REG3G: variants seen among roughly 807,000 people sequenced by gnomAD.
The protein encoded by REG3G is regenerating islet-derived protein 3-gamma.
In REG3G, 19 loss-of-function variants were observed where a neutral mutation model predicts 20.9. The ratio of observed to expected loss-of-function variants is 0.91; its 90% CI spans 0.64 to 1.34. The LOEUF (loss-of-function observed/expected upper bound fraction) is 1.34, where lower values mean the gene tolerates loss of function less well. REG3G is among the 40% of genes most tolerant of loss of function. The pLI is 0.00. For missense variants in REG3G, 235 were observed against 205.0 expected (o/e 1.15, Z -0.89); for synonymous variants, 89 against 77.4 (o/e 1.15, Z -0.79).
intron 5 of REG3G, 97 bp from the exon 6 acceptor site, chr2:79,028,112 G>C: frequency 2.3e-6 from 3 of 1,282,098 alleles, no homozygotes; most frequent in Admixed American, 3.5e-5. Context: ...GTGAAGATGA[G>C]AGAGAAGCTT....
chr2:79,026,783 C>T lies in REG3G; in HGVS notation c.147C>T (p.Ser49=), dbSNP rs770565092. 2 of 1,613,724 alleles carry T rather than the reference C, an allele frequency of 1.2e-6. No homozygotes were observed. Among genetic ancestry groups the T allele is most frequent in the East Asian group, 4.5e-5 (2 of 44,802 alleles). The change falls in exon 3 of 6, where the codon TCC becomes TCT. Residue 49 remains serine (S), a synonymous_variant. Coordinates refer to ENST00000272324, the MANE Select transcript of REG3G (RefSeq NM_001008387.3). The part of the protein sequence containing the change: ...SCPKGSKAYG[S]PCYALFLSPK... Reference sequence around the variant, plus strand: ...CCAAAGGCTCCAAGGCCTATGGCTCCCCCTGCTATGCCTTGTTTTTGTCAC... The same window carrying T: ...CCAAAGGCTCCAAGGCCTATGGCTCTCCCTGCTATGCCTTGTTTTTGTCAC...
Position 79,026,799 on chromosome 2 carries a change from T to A in REG3G, c.163T>A (p.Phe55Ile). Residue 55 changes from phenylalanine (F) to isoleucine (I), a missense_variant, in exon 3 of 6, where the codon TTT becomes ATT. Transcript: ENST00000272324. ...KAYGSPCYAL[F>I]LSPKSWMDAD... ...CTATGGCTCCCCCTGCTATGCCTTGTTTTTGTCACCAAAATCCTGGATGGA... is the reference window on the plus strand; with the variant it reads ...CTATGGCTCCCCCTGCTATGCCTTGATTTTGTCACCAAAATCCTGGATGGA... 3 of 1,613,304 alleles carry A rather than the reference T, an allele frequency of 1.9e-6. No homozygotes were observed. Among genetic ancestry groups the A allele is most frequent in the Non-Finnish European group, 2.5e-6 (3 of 1,179,798 alleles).
In REG3G at chr2:79,027,036, G is replaced by A. The variant is rs749025112; in HGVS notation, c.198G>A (p.Leu66=). The change falls in exon 4 of 6, where the codon CTG becomes CTA. Residue 66 remains leucine, a splice_region_variant and synonymous_variant. Transcript: ENST00000272324. ...CATTCTCTTTGTCCCCCTCAAAGCTGGCTTGCCAGAAGCGGCCCTCTGGAA... is the reference window on the plus strand; with the variant it reads ...CATTCTCTTTGTCCCCCTCAAAGCTAGCTTGCCAGAAGCGGCCCTCTGGAA... ...LSPKSWMDAD[L]ACQKRPSGKL... 6.2e-7 allele frequency: 1 copy of A among 1,613,916 alleles called. No individual in the cohort carries two copies. Among genetic ancestry groups the A allele is most frequent in the Non-Finnish European group, 8.5e-7 (1 of 1,179,974 alleles).
intron 5 of REG3G, 102 bp downstream of exon 5, chr2:79,028,035 T>G: frequency 6.8e-7 from 1 of 1,473,202 alleles, no homozygotes; most frequent in South Asian, 1.2e-5. Flanking sequence ...GCAGTGTTTA[T>G]GTGCCTTCTC....
chr2:79,025,817 C>T lies in REG3G; in HGVS notation c.-112+44C>T, dbSNP rs1211623281. 5 of 379,480 alleles carry T rather than the reference C, an allele frequency of 1.3e-5. 1 individual carries two copies. In the East Asian group the frequency reaches 2.3e-4, roughly 18 times the overall value. 23.5% of individuals were successfully genotyped at this position (379,480 alleles called of 1,614,324 possible). ...AAGATGAGACCTGTGGAAGGGCAAC[C>T]TCACATAATACAGGAGAACGCATGG... On this transcript the variant is annotated intron_variant, in intron 1 of 5. Transcript: ENST00000272324.
In REG3G at chr2:79,026,672, C is replaced by T. The variant is rs534065508; in HGVS notation, c.77-41C>T. Reference sequence around the variant, plus strand: ...CCCCAAGGTCATCTCCCACCCACCCCCTACTCTTCATTTTACTCTCTCCCT... The same window carrying T: ...CCCCAAGGTCATCTCCCACCCACCCTCTACTCTTCATTTTACTCTCTCCCT... On this transcript the variant is annotated intron_variant, in intron 2 of 5. Transcript: ENST00000272324. 7 of 1,536,058 alleles carry T rather than the reference C, an allele frequency of 4.6e-6. No homozygotes were observed. The African/African-American group carries it at 8.2e-5, about 18-fold the overall frequency.
At chr2:79,026,681 C>A (rs1210865535) in intron 2 of REG3G, 32 bp from the exon 3 acceptor site, 2 of 1,561,392 alleles carry the variant, frequency 1.3e-6, no homozygotes, top group Non-Finnish European at 1.8e-6. Context: ...CCCTACTCTT[C>A]ATTTTACTCT....
chr2:79,027,277 G>C (rs923030034), intron 4 of REG3G, 106 bp downstream of exon 4: 15 of 1,229,614 alleles, frequency 1.2e-5, no homozygotes, highest in African/African-American at 4.5e-5. Flanking sequence ...GGGAGCACTG[G>C]AGCTCAGATT....
chr2:79,025,808 A>G (rs1671601188), intron 1 of REG3G, 35 bp downstream of exon 1: 1 of 359,652 alleles, frequency 2.8e-6, no homozygotes, highest in Non-Finnish European at 5.1e-6. Flanking sequence ...AGACCTGTGG[A>G]AGGGCAACCT....
rs149749064 is a variant in REG3G, at chr2:79,026,042, G to A, written c.-52G>A. On this transcript the variant is annotated 5_prime_UTR_variant, in exon 2 of 6. Coordinates refer to ENST00000272324, the MANE Select transcript of REG3G (RefSeq NM_001008387.3). Reference sequence around the variant, plus strand: ...CAGTAGGATATCTGTGTGTCCTCCCGCTGACCACACTTCCTTTAGTGACCC... The same window carrying A: ...CAGTAGGATATCTGTGTGTCCTCCCACTGACCACACTTCCTTTAGTGACCC... 620 of 1,570,062 alleles carry A rather than the reference G, an allele frequency of 3.9e-4. 7 individuals are homozygous for A. The East Asian group carries it at 0.011, about 27-fold the overall frequency.
At chr2:79,026,388 A>C in intron 2 of REG3G, 1 of 605,548 alleles carries the variant, frequency 1.7e-6, no homozygotes, top group Non-Finnish European at 2.9e-6. Flanking sequence ...TAGTCAGTGG[A>C]CTCTAATATA....
At chr2:79,027,239 C>A in intron 4 of REG3G, 68 bp downstream of exon 4, 2 of 1,526,106 alleles carry the variant, frequency 1.3e-6, no homozygotes, top group Admixed American at 1.7e-5. Flanking sequence ...CACTCCCTGT[C>A]CCCAGTCCCT....
chr2:79,026,334 G>T, intron 2 of REG3G, 165 bp downstream of exon 2: 1 of 686,750 alleles, frequency 1.5e-6, no homozygotes, highest in Admixed American at 2.4e-5. Flanking sequence ...GCAGTGGGAG[G>T]CTCCACTGTG....
At chr2:79,026,514 A>G in intron 2 of REG3G, 199 bp from the exon 3 acceptor site, 1 of 602,926 alleles carries the variant, frequency 1.7e-6, no homozygotes, top group South Asian at 2.1e-5. Flanking sequence ...GAATAAGGGG[A>G]AAGGGTAATA....
rs763948327 is a variant in REG3G, at chr2:79,028,309, G to A, written c.*33G>A. The A allele has an allele frequency of 1.2e-5, 18 of 1,441,502 alleles. No homozygotes were observed. The East Asian group carries it at 1.8e-4, about 15-fold the overall frequency. The allele number at this position is 1,441,502 out of a possible 1,614,324, so 89.3% of individuals were successfully genotyped here. ...GGGAAGTCAGCAGCCTGAGCTTGGCGTGCAGCTCATCATGGACATGAGACC... is the reference window on the plus strand; with the variant it reads ...GGGAAGTCAGCAGCCTGAGCTTGGCATGCAGCTCATCATGGACATGAGACC... On this transcript the variant is annotated 3_prime_UTR_variant, in exon 6 of 6. Transcript: ENST00000272324.
intron 4 of REG3G, 38 bp from the exon 5 acceptor site, chr2:79,027,769 G>A: frequency 6.2e-7 from 1 of 1,612,920 alleles, no homozygotes; most frequent in Non-Finnish European, 8.5e-7. Flanking sequence ...ACCTGCAATG[G>A]CCATTTTCTT....
chr2:79,027,295 A>T, intron 4 of REG3G, 124 bp downstream of exon 4: 6 of 1,047,818 alleles, frequency 5.7e-6, no homozygotes, highest in Non-Finnish European at 8.4e-6. Flanking sequence ...ATTCTGGGGG[A>T]CATTTGGGAG....
At chr2:79,027,323 G>A (rs528606992) in intron 4 of REG3G, 152 bp downstream of exon 4, 1 of 785,158 alleles carries the variant, frequency 1.3e-6, no homozygotes, top group Admixed American at 2.8e-5. Flanking sequence ...AGTCCATGAG[G>A]CAGCTGAAGA....
chr2:79,026,204 A>G (rs761895146), intron 2 of REG3G, 35 bp downstream of exon 2: 11 of 1,603,790 alleles, frequency 6.9e-6, no homozygotes, highest in African/African-American at 1.3e-5. Flanking sequence ...TGGGTTCCCT[A>G]TGAATCCTCA....
Sources: allele counts gnomAD v4.1 joint callset, GRCh38; gene constraint gnomAD v4.1.1; transcripts MANE v1.5; gene names NCBI Gene and HGNC (gene_info 2026-07-23, HGNC 2026-07-21).